NEK11: variants seen among roughly 807,000 people sequenced by gnomAD.
NEK11 encodes NIMA related kinase 11, also known as serine/threonine-protein kinase Nek11.
Under a neutral mutation model 80.7 loss-of-function variants are expected in NEK11, and 72 were observed. The ratio of observed to expected loss-of-function variants is 0.89; its 90% CI spans 0.74 to 1.08. The LOEUF (loss-of-function observed/expected upper bound fraction) is 1.08. NEK11 is among the 50% of genes least tolerant of loss of function. The probability of loss-of-function intolerance (pLI) is 0.00; values close to 1 mark genes in which losing one functional copy is unlikely to be tolerated. For missense variants in NEK11, 764 were observed against 763.6 expected, an observed-to-expected ratio of 1.00 and a Z score of -0.01; for synonymous variants, 251 against 260.7, an observed-to-expected ratio of 0.96 and a Z score of 0.36.
chr3:131,119,062 A>G (rs189641340), intron 5 of NEK11, among the ~76,000 whole-genome samples: 1,881 of 152,158 alleles, frequency 0.012, 20 homozygotes, highest in Admixed American at 0.02. Flanking sequence ...TTGTGATGTT[A>G]GGGTGTCAAT....
chr3:131,289,584 G>A (rs547948523), intron 17 of NEK11, among the ~76,000 whole-genome samples: 1 of 152,304 alleles, frequency 6.6e-6, no homozygotes, highest in African/African-American at 2.4e-5. Context: ...TGACTGACGG[G>A]ATTTGGTTTG....
chr3:131,111,978 T>C (rs572732863), intron 5 of NEK11, among the ~76,000 whole-genome samples: 1 of 152,276 alleles, frequency 6.6e-6, no homozygotes, highest in East Asian at 1.9e-4. Context: ...TTATTTTATA[T>C]TGTTAATAGG....
intron 17 of NEK11, among the ~76,000 whole-genome samples, chr3:131,345,012 C>T (rs191816688): frequency 6.6e-6 from 1 of 152,308 alleles, no homozygotes; most frequent in East Asian, 1.9e-4. Flanking sequence ...GTTGTGATGT[C>T]TCCACTTTTA....
intron 16 of NEK11, among the ~76,000 whole-genome samples, chr3:131,262,854 C>G (rs566116550): frequency 5.5e-4 from 83 of 151,980 alleles, no homozygotes; most frequent in Admixed American, 2.0e-3. Context: ...TGATGTCCCC[C>G]TCCCTAAGTC....
At chr3:131,029,969 G>GCCACCATACC in intron 3 of NEK11, 91 bp downstream of exon 3, 2 of 1,219,178 alleles carry the variant, frequency 1.6e-6, no homozygotes, top group Non-Finnish European at 2.4e-6. Flanking sequence ...GCCAGGTATG[G>GCCACCATACC]TGGCTCATGC....
intron 14 of NEK11, among the ~76,000 whole-genome samples, chr3:131,171,648 G>T (rs1579530771): frequency 6.6e-6 from 1 of 152,178 alleles, no homozygotes; most frequent in African/African-American, 2.4e-5. Context: ...CAGGGTTGTT[G>T]TGAATAGCAA....
intron 3 of NEK11, among the ~76,000 whole-genome samples, chr3:131,048,186 C>G (rs538088686): frequency 4.6e-5 from 7 of 152,138 alleles, no homozygotes; most frequent in Non-Finnish European, 7.4e-5. Flanking sequence ...TGGGAACTTT[C>G]CCCAGGCCAC....
At chr3:131,201,042 C>T (rs2094206708) in intron 14 of NEK11, among the ~76,000 whole-genome samples, 1 of 151,932 alleles carries the variant, frequency 6.6e-6, no homozygotes, top group Admixed American at 6.6e-5. Context: ...AGTAAATGGA[C>T]CTCAGCTCTC....
chr3:131,267,217 T>C (rs2096075737), intron 16 of NEK11, among the ~76,000 whole-genome samples: 1 of 152,256 alleles, frequency 6.6e-6, no homozygotes, highest in South Asian at 2.1e-4. Context: ...ATGTGTGAAT[T>C]TGATCCTGTC....
intron 3 of NEK11, among the ~76,000 whole-genome samples, chr3:131,057,723 T>C (rs1488255545): frequency 1.3e-5 from 2 of 151,710 alleles, no homozygotes; most frequent in Non-Finnish European, 1.5e-5. Flanking sequence ...TTGCCCACTT[T>C]TTGATGGGGT....
At chr3:131,130,223 A>G (rs954205856) in intron 5 of NEK11, among the ~76,000 whole-genome samples, 6 of 152,112 alleles carry the variant, frequency 3.9e-5, no homozygotes, top group Non-Finnish European at 5.9e-5. Context: ...ATAAATGTCA[A>G]ATTCTACTTG....
chr3:131,293,302 G>T (rs1197650178), intron 17 of NEK11, among the ~76,000 whole-genome samples: 2 of 151,976 alleles, frequency 1.3e-5, no homozygotes, highest in African/African-American at 2.4e-5. Context: ...ATGAATGGGT[G>T]TTGTATTTTG....
At chr3:131,233,232 T>A (rs1471432800) in intron 15 of NEK11, among the ~76,000 whole-genome samples, 1 of 151,940 alleles carries the variant, frequency 6.6e-6, no homozygotes, top group African/African-American at 2.4e-5. Flanking sequence ...GTTGCTGGAG[T>A]CCAGCACTGC....
intron 14 of NEK11, among the ~76,000 whole-genome samples, chr3:131,207,974 A>T (rs746194284): frequency 1.3e-5 from 2 of 152,040 alleles, no homozygotes; most frequent in African/African-American, 2.4e-5. Flanking sequence ...GTTTAATTCG[A>T]TCCCATTTGT....
intron 3 of NEK11, among the ~76,000 whole-genome samples, chr3:131,068,677 CTT>C (rs1292461934): frequency 2.6e-5 from 4 of 152,140 alleles, no homozygotes; most frequent in African/African-American, 9.7e-5. Context: ...TGCTTTGTGA[CTT>C]TGTGTGTGTT....
intron 14 of NEK11, among the ~76,000 whole-genome samples, chr3:131,214,185 A>G (rs1047006720): frequency 6.6e-6 from 1 of 152,208 alleles, no homozygotes; most frequent in African/African-American, 2.4e-5. Context: ...AAACTAACTA[A>G]GATATTGGTC....
At chr3:131,088,892 C>T (rs956186180) in intron 4 of NEK11, among the ~76,000 whole-genome samples, 3 of 152,238 alleles carry the variant, frequency 2.0e-5, no homozygotes, top group East Asian at 1.9e-4. Flanking sequence ...TCTTAAAGTG[C>T]ACTTCCAAAA....
At position 131,155,096 on chromosome 3, in the gene NEK11, G is replaced by C. The variant is rs774782492; in HGVS notation, c.937G>C (p.Glu313Gln). 1.2e-6 allele frequency: 2 copies of C among 1,611,016 alleles called. No individual in the cohort carries two copies. The highest frequency in any genetic ancestry group is 1.7e-6 in the Non-Finnish European group (2 of 1,177,190). Residue 313 changes from glutamate to glutamine, a missense_variant, in exon 10 of 18, where the codon GAG becomes CAG. Coordinates refer to ENST00000383366, the MANE Select transcript of NEK11 (RefSeq NM_024800.5). ...AGACAAAAATTTGGATTGTCAGAAG[G>C]AGGCTGCTCATATAATTAATGCCAT... ...LEDKNLDCQK[E>Q]AAHIINAMQK... is the part of the protein sequence containing the mutation.
At chr3:131,256,602 A>G (rs1580981236) in intron 16 of NEK11, among the ~76,000 whole-genome samples, 2 of 152,324 alleles carry the variant, frequency 1.3e-5, no homozygotes, top group African/African-American at 2.4e-5. Context: ...AAATTACTCA[A>G]AAACATATGG....
Sources: gnomAD v4.1 joint callset for allele counts (sites outside exome capture counted in the v4.1 genomes callset) on GRCh38, gnomAD v4.1.1 for gene constraint, MANE v1.5 for transcripts, NCBI Gene and HGNC (gene_info 2026-07-23, HGNC 2026-07-21) for gene names.